Variants in IL1RAPL2 observed in about 807,000 individuals in gnomAD.
IL1RAPL2 encodes the protein interleukin 1 receptor accessory protein like 2, also known as X-linked interleukin-1 receptor accessory protein-like 2.
Under a neutral mutation model 44.1 loss-of-function variants are expected in IL1RAPL2, and 3 were observed. The ratio of observed to expected loss-of-function variants is 0.07; its 90% CI spans 0.03 to 0.18. The LOEUF (loss-of-function observed/expected upper bound fraction) is 0.18. IL1RAPL2 is among the 10% of genes least tolerant of loss of function. The pLI is 1.00. For synonymous variants in IL1RAPL2, 181 were observed against 178.8 expected (o/e 1.01, Z -0.10); for missense variants, 391 against 496.4 (o/e 0.79, Z 2.02).
intron 1 of IL1RAPL2, among the ~76,000 whole-genome samples, chrX:104,641,075 C>G (rs1334304698): frequency 8.9e-6 from 1 of 111,944 alleles, no homozygotes; most frequent in Non-Finnish European, 1.9e-5. Context: ...ATGTCAGTAG[C>G]AGTGATGTGA....
chrX:104,714,522 T>G (rs745711802), intron 2 of IL1RAPL2, among the ~76,000 whole-genome samples: 1 of 111,115 alleles, frequency 9.0e-6, no homozygotes, highest in East Asian at 2.9e-4. Context: ...GTGGTGCCTT[T>G]TGCTGTGATT....
At chrX:105,071,717 A>G (rs2032209107) in intron 2 of IL1RAPL2, among the ~76,000 whole-genome samples, 1 of 111,775 alleles carries the variant, frequency 8.9e-6, no homozygotes, top group African/African-American at 3.3e-5. Flanking sequence ...ATAAATTAAT[A>G]TATTTATGGC....
chrX:105,618,167 C>T (rs1426238692), intron 6 of IL1RAPL2, among the ~76,000 whole-genome samples: 1 of 108,299 alleles, frequency 9.2e-6, no homozygotes, highest in East Asian at 2.9e-4. Context: ...ACACATTATA[C>T]ACCCTTAGGC....
intron 2 of IL1RAPL2, among the ~76,000 whole-genome samples, chrX:105,168,260 T>C (rs761256192): frequency 1.8e-5 from 2 of 111,827 alleles, no homozygotes; most frequent in East Asian, 5.6e-4. Flanking sequence ...TGTGTACGAT[T>C]ACATGAAAAA....
intron 1 of IL1RAPL2, among the ~76,000 whole-genome samples, chrX:104,567,538 A>AG (rs1255965366): frequency 8.9e-6 from 1 of 112,430 alleles, no homozygotes; most frequent in Non-Finnish European, 1.9e-5. Context: ...AGCACTAGGC[A>AG]GGGGAGATCG....
At chrX:104,915,881 A>G (rs1208084450) in intron 2 of IL1RAPL2, among the ~76,000 whole-genome samples, 1 of 111,275 alleles carries the variant, frequency 9.0e-6, no homozygotes, top group African/African-American at 3.3e-5. Flanking sequence ...ATAGTTGTAG[A>G]TATGTGGCAT....
intron 1 of IL1RAPL2, among the ~76,000 whole-genome samples, chrX:104,583,151 G>T (rs1269237191): frequency 9.1e-6 from 1 of 110,134 alleles, no homozygotes; most frequent in African/African-American, 3.3e-5. Context: ...GCCTCCCAAA[G>T]TGCTGGGATT....
chrX:104,949,776 C>G (rs1242484339), intron 2 of IL1RAPL2, among the ~76,000 whole-genome samples: 2 of 111,538 alleles, frequency 1.8e-5, no homozygotes, highest in Non-Finnish European at 3.8e-5. Context: ...GCACTGTGGT[C>G]TGAGAGACAG....
intron 2 of IL1RAPL2, among the ~76,000 whole-genome samples, chrX:104,924,756 C>T (rs971959047): frequency 1.8e-5 from 2 of 110,739 alleles, no homozygotes; most frequent in African/African-American, 6.6e-5. Flanking sequence ...AGAAAGATCT[C>T]AAATTAAGAA....
chrX:105,083,700 T>C (rs1023766366), intron 2 of IL1RAPL2, among the ~76,000 whole-genome samples: 3 of 111,900 alleles, frequency 2.7e-5, no homozygotes, highest in Non-Finnish European at 5.6e-5. Flanking sequence ...ATCCCAGAAT[T>C]TCATATCCAG....
intron 2 of IL1RAPL2, among the ~76,000 whole-genome samples, chrX:104,667,594 C>A (rs1295461803): frequency 9.0e-6 from 1 of 111,438 alleles, no homozygotes; most frequent in African/African-American, 3.3e-5. Context: ...ATTGGCAAAG[C>A]CAGGATTTAA....
intron 5 of IL1RAPL2, among the ~76,000 whole-genome samples, chrX:105,463,510 A>G (rs1201500298): frequency 1.8e-5 from 2 of 109,991 alleles, no homozygotes; most frequent in Non-Finnish European, 3.8e-5. Context: ...ATGTGAAAAC[A>G]GGGGATTGGG....
intron 2 of IL1RAPL2, among the ~76,000 whole-genome samples, chrX:104,722,121 T>C (rs1188446406): frequency 9.0e-6 from 1 of 110,878 alleles, no homozygotes; most frequent in Non-Finnish European, 1.9e-5. Flanking sequence ...GCAGAGGTAA[T>C]AAAACACTAT....
At chrX:104,677,148 G>A (rs965317810) in intron 2 of IL1RAPL2, among the ~76,000 whole-genome samples, 34 of 111,941 alleles carry the variant, frequency 3.0e-4, no homozygotes, top group Non-Finnish European at 5.6e-4. Context: ...GAGGAATTGC[G>A]TTCCTTTGGA....
chrX:105,005,822 T>C lies in IL1RAPL2; in HGVS notation c.83-189653T>C, dbSNP rs769060080. 2.7e-5 allele frequency among the ~76,000 whole-genome samples: 3 copies of C among 111,250 alleles called. No homozygotes were observed. In the East Asian group the frequency reaches 8.6e-4, roughly 32 times the overall value. On this transcript the variant is annotated intron_variant, in intron 2 of 10. Transcript: ENST00000372582. ...AGAATTTTTAGCCTTCTCAGCCTTA[T>C]GTTCCCTAGAAAAATGTTACCTATA... is the stretch of plus-strand genomic sequence containing the variant.
chrX:105,369,888 G>T (rs766567279), intron 5 of IL1RAPL2, among the ~76,000 whole-genome samples: 1 of 111,335 alleles, frequency 9.0e-6, no homozygotes, highest in South Asian at 3.8e-4. Context: ...AGAGCAAGCA[G>T]AATATTCATT....
At chrX:105,262,053 G>C (rs757061222) in intron 4 of IL1RAPL2, among the ~76,000 whole-genome samples, 1 of 111,973 alleles carries the variant, frequency 8.9e-6, no homozygotes, top group Admixed American at 9.5e-5. Flanking sequence ...AGCTAGAAAA[G>C]GGTAAAGAGT....
intron 2 of IL1RAPL2, among the ~76,000 whole-genome samples, chrX:104,728,963 T>A (rs1931850331): frequency 8.9e-6 from 1 of 111,823 alleles, no homozygotes; most frequent in South Asian, 3.7e-4. Flanking sequence ...GGCTCTTGTA[T>A]TATAGTCTAG....
In IL1RAPL2 at chrX:105,375,225, A is replaced by G. The variant is rs763785745; in HGVS notation, c.697+107684A>G. Among the ~76,000 whole-genome samples the G allele has an allele frequency of 1.4e-4, 16 of 110,391 alleles. No homozygotes were observed. In the South Asian group the frequency reaches 6.1e-3, roughly 42 times the overall value. On this transcript the variant is annotated intron_variant, in intron 5 of 10. Coordinates refer to ENST00000372582, the MANE Select transcript of IL1RAPL2 (RefSeq NM_017416.2). ...TTGCCAGGTATCCTAAAGAACAACA[A>G]TCTGAGCTGGGCATGGTGGCTCATA...
Sources: allele counts gnomAD v4.1 joint callset (sites outside exome capture counted in the v4.1 genomes callset), GRCh38; gene constraint gnomAD v4.1.1; transcripts MANE v1.5; gene names NCBI Gene and HGNC (gene_info 2026-07-23, HGNC 2026-07-21).